Variants in ZSCAN4 observed in about 807,000 individuals in gnomAD.
The protein encoded by ZSCAN4 is zinc finger and SCAN domain containing 4.
Under a neutral mutation model 18.3 loss-of-function variants are expected in ZSCAN4, and 18 were observed. The ratio of observed to expected loss-of-function variants is 0.98; its 90% CI spans 0.68 to 1.46. The LOEUF is 1.46. Among genes scored for constraint, ZSCAN4 ranks in the 40% most tolerant of loss-of-function variants. The probability of loss-of-function intolerance (pLI) is 0.00; values close to 1 mark genes in which losing one functional copy is unlikely to be tolerated. For synonymous variants in ZSCAN4, 193 were observed against 180.3 expected (o/e 1.07, Z -0.57); for missense variants, 498 against 511.4 (o/e 0.97, Z 0.25).
At chr19:57,658,203 G>A in the ZSCAN4 span, among the ~76,000 whole-genome samples, 2 of 152,122 alleles carry the variant, frequency 1.3e-5, no homozygotes, top group African/African-American at 4.8e-5. Flanking sequence ...AATCTCAAAA[G>A]CACAAGTGAA....
chr19:57,678,854 T>C, exon 5 of ZSCAN4: 1 of 1,612,014 alleles, frequency 6.2e-7, no homozygotes, highest in Non-Finnish European at 8.5e-7. Flanking sequence ...ATATGAGGAC[T>C]CATGAGAAAA....
At chr19:57,678,892 C>A in exon 5 of ZSCAN4, 1 of 1,594,514 alleles carries the variant, frequency 6.3e-7, no homozygotes. Flanking sequence ...CCCTCCACAC[C>A]AGAAGCTTCC....
chr19:57,663,077 T>C, the ZSCAN4 span, among the ~76,000 whole-genome samples: 1 of 150,630 alleles, frequency 6.6e-6, no homozygotes, highest in Non-Finnish European at 1.5e-5. Flanking sequence ...CTAATTTTTG[T>C]ACTTTTTGTA....
intron 2 of ZSCAN4, among the ~76,000 whole-genome samples, chr19:57,671,023 G>A (rs1253362347): frequency 1.3e-5 from 2 of 151,918 alleles, no homozygotes; most frequent in African/African-American, 4.8e-5. Flanking sequence ...CACCACACCA[G>A]GTTAATTTTT....
At chr19:57,660,032 G>C in the ZSCAN4 span, among the ~76,000 whole-genome samples, 1 of 152,128 alleles carries the variant, frequency 6.6e-6, no homozygotes, top group Non-Finnish European at 1.5e-5. Flanking sequence ...CCAGCAAAAA[G>C]GTGAGATCAG....
chr19:57,672,768 C>T (rs939113292), intron 2 of ZSCAN4, among the ~76,000 whole-genome samples: 5 of 151,956 alleles, frequency 3.3e-5, no homozygotes, highest in African/African-American at 1.2e-4. Context: ...ACACCCAACT[C>T]ATTTTTGAAT....
intron 2 of ZSCAN4, among the ~76,000 whole-genome samples, chr19:57,674,896 C>G (rs115965535): frequency 0.022 from 3,290 of 151,334 alleles, 129 homozygotes; most frequent in African/African-American, 0.076. Context: ...ATAGCTCAAG[C>G]AGAAAACTTT....
rs1036276532 is a variant in ZSCAN4 at position 57,678,146 on chromosome 19, TTGAG to T, written c.563-17_563-14del. The stretch of plus-strand genomic sequence containing the variant: ...GGACCCCTTCTTAAGTACAACTTCA[TTGAG>T]TGTCTATTTTCACAGGATATGAAGA... On this transcript the variant is annotated splice_polypyrimidine_tract_variant and intron_variant, in intron 4 of 4. Transcript: ENST00000318203. 5 of 1,607,208 alleles carry T rather than the reference TTGAG, an allele frequency of 3.1e-6. No individual in the cohort carries two copies. The African/African-American group carries it at 5.4e-5, about 17-fold the overall frequency.
the ZSCAN4 span, among the ~76,000 whole-genome samples, chr19:57,656,527 C>T: frequency 2.0e-5 from 3 of 152,214 alleles, no homozygotes; most frequent in Non-Finnish European, 2.9e-5. Flanking sequence ...ACCAGTCTGC[C>T]CAGTTTGTGG....
At chr19:57,654,187 A>T in the ZSCAN4 span, among the ~76,000 whole-genome samples, 4 of 152,174 alleles carry the variant, frequency 2.6e-5, no homozygotes, top group Admixed American at 2.0e-4. Context: ...CCTAGTCAAC[A>T]CTTGCTTCAC....
chr19:57,660,103 A>C, the ZSCAN4 span, among the ~76,000 whole-genome samples: 3 of 152,156 alleles, frequency 2.0e-5, no homozygotes, highest in African/African-American at 7.2e-5. Context: ...AGATGCCGTC[A>C]CTCCATCATT....
chr19:57,658,106 CTA>C, the ZSCAN4 span, among the ~76,000 whole-genome samples: 1 of 152,154 alleles, frequency 6.6e-6, no homozygotes, highest in East Asian at 1.9e-4. Context: ...AAACAAATGT[CTA>C]TGCACATCTG....
intron 2 of ZSCAN4, among the ~76,000 whole-genome samples, chr19:57,675,631 A>G (rs1304489734): frequency 6.6e-6 from 1 of 152,198 alleles, no homozygotes; most frequent in African/African-American, 2.4e-5. Flanking sequence ...TTTCAGGAAT[A>G]AACATTGGCA....
the ZSCAN4 span, among the ~76,000 whole-genome samples, chr19:57,652,986 A>C: frequency 2.0e-5 from 3 of 152,054 alleles, no homozygotes; most frequent in Non-Finnish European, 4.4e-5. Flanking sequence ...GCTCTCCACC[A>C]CCAAGATGCA....
intron 2 of ZSCAN4, among the ~76,000 whole-genome samples, chr19:57,675,240 C>T (rs760641307): frequency 2.4e-4 from 36 of 151,300 alleles, no homozygotes; most frequent in Middle Eastern, 6.8e-3. Context: ...CTCCACCTCC[C>T]GGGCTCAAGC....
chr19:57,678,847 T>C (rs1226885362), exon 5 of ZSCAN4: 1 of 1,612,714 alleles, frequency 6.2e-7, no homozygotes, highest in Non-Finnish European at 8.5e-7. Flanking sequence ...CACCGCCATA[T>C]GAGGACTCAT....
intron 2 of ZSCAN4, among the ~76,000 whole-genome samples, chr19:57,674,054 T>C (rs1984105050): frequency 6.6e-6 from 1 of 151,932 alleles, no homozygotes; most frequent in Non-Finnish European, 1.5e-5. Context: ...GTGAAAAGAG[T>C]TTTTTTGTTT....
the ZSCAN4 span, among the ~76,000 whole-genome samples, chr19:57,653,374 G>A: frequency 5.1e-5 from 7 of 138,030 alleles, no homozygotes; most frequent in African/African-American, 9.1e-5. Context: ...GTGACAGAGC[G>A]AGACTCCATC....
At position 57,677,937 on chromosome 19, in the gene ZSCAN4, G is replaced by T. The variant is rs1402251207; in HGVS notation, c.420G>T (p.Gln140His). 14 of 1,557,804 alleles carry T rather than the reference G, an allele frequency of 9.0e-6. No homozygotes were observed. In the East Asian group the frequency reaches 3.1e-4, roughly 35 times the overall value. ...AGGTCCACGTCCACATGCAGGGACA[G>T]GAAGCTCTCTTTTCTGAGGATATGC... is the stretch of plus-strand genomic sequence containing the variant. Residue 140 changes from glutamine (Q) to histidine (H), a missense_variant, in exon 4 of 5, where the codon CAG becomes CAT. Coordinates refer to ENST00000318203, the Ensembl canonical transcript of ZSCAN4.
Sources: gnomAD v4.1 joint callset for allele counts (sites outside exome capture counted in the v4.1 genomes callset) on GRCh38, gnomAD v4.1.1 for gene constraint, MANE v1.5 for transcripts, NCBI Gene and HGNC (gene_info 2026-07-23, HGNC 2026-07-21) for gene names.